FBXW12: variants seen among roughly 807,000 people sequenced by gnomAD.
The protein encoded by FBXW12 is F-box/WD repeat-containing protein 12.
In FBXW12, 43 loss-of-function variants were observed where a neutral mutation model predicts 55.3. That is an observed-to-expected ratio of 0.78 (90% confidence interval 0.61 to 1.00). The LOEUF (loss-of-function observed/expected upper bound fraction) is 1.00, where lower values mean the gene tolerates loss of function less well. FBXW12 is among the 50% of genes least tolerant of loss of function. FBXW12 has a pLI of 0.00. For synonymous variants in FBXW12, 184 were observed against 203.8 expected, an observed-to-expected ratio of 0.90 and a Z score of 0.83; for missense variants, 524 against 560.5, an observed-to-expected ratio of 0.93 and a Z score of 0.66.
rs147617793 is a variant in FBXW12 at position 48,373,967 on chromosome 3, G to T, written c.286+262G>T. Reference sequence around the variant, plus strand: ...GTCCTGTTACTCCCTTTTTCCTAAGGCTTCTCATCCCTCCCAGAATAAAAA... The same window carrying T: ...GTCCTGTTACTCCCTTTTTCCTAAGTCTTCTCATCCCTCCCAGAATAAAAA... On this transcript the variant is annotated intron_variant, in intron 4 of 10. Coordinates refer to ENST00000296438, the MANE Select transcript of FBXW12 (RefSeq NM_207102.2). Among the ~76,000 whole-genome samples, 3 of 151,762 alleles carry T rather than the reference G, an allele frequency of 2.0e-5. No individual in the cohort carries two copies. The East Asian group carries it at 5.8e-4, about 29-fold the overall frequency.
Position 48,386,187 on chromosome 3 carries a change from G to GCTTTTTC in FBXW12, c.1295+4102_1295+4103insCTTTTTC, listed in dbSNP as rs542895619. 5.3e-3 allele frequency among the ~76,000 whole-genome samples: 807 copies of GCTTTTTC among 152,274 alleles called. 5 individuals are homozygous for GCTTTTTC. The highest frequency in any genetic ancestry group is 0.019 in the African/African-American group (772 of 41,556). ...AGTTTTGTATGTGATGTGAGAAAAA[G>GCTTTTTC]TCCCAACTTTTTTTCTTTTCATGTG... is the stretch of plus-strand genomic sequence containing the variant. On this transcript the variant is annotated intron_variant, in intron 10 of 10. Coordinates refer to ENST00000296438, the MANE Select transcript of FBXW12 (RefSeq NM_207102.2).
intron 10 of FBXW12, among the ~76,000 whole-genome samples, chr3:48,388,162 T>C (rs988087483): frequency 6.6e-6 from 1 of 152,224 alleles, no homozygotes; most frequent in African/African-American, 2.4e-5. Flanking sequence ...TTCATTCTTT[T>C]ATAGTTGTTA....
chr3:48,375,820 G>A lies in FBXW12; in HGVS notation c.405+348G>A, dbSNP rs112554193. Among the ~76,000 whole-genome samples the A allele has an allele frequency of 1.0e-3, 157 of 151,836 alleles. 1 individual carries two copies. The highest frequency in any genetic ancestry group is 1.7e-3 in the South Asian group (8 of 4,808). ...TTCCCAAGTAGCTGGGACTACAGGCGCCCGCCACCACGCCTGGCTAATTTT... is the reference window on the plus strand; with the variant it reads ...TTCCCAAGTAGCTGGGACTACAGGCACCCGCCACCACGCCTGGCTAATTTT... On this transcript the variant is annotated intron_variant, in intron 5 of 10. Transcript: ENST00000296438.
intron 7 of FBXW12, chr3:48,380,255 A>G (rs1379264559): frequency 6.2e-6 from 1 of 161,792 alleles, no homozygotes; most frequent in Non-Finnish European, 1.4e-5. Context: ...GTAACTGAAT[A>G]TGCAACAGCC....
At chr3:48,391,701 T>C (rs2036931895) in intron 10 of FBXW12, among the ~76,000 whole-genome samples, 1 of 152,198 alleles carries the variant, frequency 6.6e-6, no homozygotes, top group African/African-American at 2.4e-5. Context: ...CACAAAGGGA[T>C]ACTGGATTTT....
chr3:48,379,266 T>G lies in FBXW12; in HGVS notation c.616-134T>G, dbSNP rs772065871. 19 of 805,928 alleles carry G rather than the reference T, an allele frequency of 2.4e-5. 1 individual carries two copies. The highest frequency in any genetic ancestry group is 3.1e-5 in the Non-Finnish European group (15 of 483,116). 49.9% of individuals were successfully genotyped at this position (805,928 alleles called of 1,614,324 possible). On this transcript the variant is annotated intron_variant, in intron 6 of 10. Coordinates refer to ENST00000296438, the MANE Select transcript of FBXW12 (RefSeq NM_207102.2). Reference sequence around the variant, plus strand: ...ATCCCAACAGTGTCTCAAGCTAGACTGGTCAGAGGTTTTGATCTCCATTAT... The same window carrying G: ...ATCCCAACAGTGTCTCAAGCTAGACGGGTCAGAGGTTTTGATCTCCATTAT...
At chr3:48,382,285 T>A (rs1277994086) in intron 10 of FBXW12, among the ~76,000 whole-genome samples, 200 bp downstream of exon 10, 1 of 152,078 alleles carries the variant, frequency 6.6e-6, no homozygotes, top group Non-Finnish European at 1.5e-5. Flanking sequence ...CCTGGCTAAT[T>A]TTTGTATTTT....
At chr3:48,386,116 T>G (rs144231673) in intron 10 of FBXW12, among the ~76,000 whole-genome samples, 1 of 152,202 alleles carries the variant, frequency 6.6e-6, no homozygotes, top group Non-Finnish European at 1.5e-5. Context: ...CCCTGCACTT[T>G]CTTCTTGTAG....
intron 2 of FBXW12, 70 bp downstream of exon 2, chr3:48,372,927 G>GCAGA (rs2036625386): frequency 1.4e-6 from 2 of 1,382,968 alleles, no homozygotes; most frequent in Non-Finnish European, 2.1e-6. Context: ...GCACCACTTT[G>GCAGA]CAGAATAGCA....
In FBXW12 at chr3:48,373,353, AAGGGAAAGGGCAAGG is replaced by A. The variant is rs1346741366; in HGVS notation, c.128+15_128+29del. ...CAGTGATTACCTGTGGAGGTAAGGG[AAGGGAAAGGGCAAGG>A]AGGGAAGGGGAGAGGAGATCATCTG... On this transcript the variant is annotated intron_variant, in intron 3 of 10. Transcript: ENST00000296438. 1 of 1,614,074 alleles carries A rather than the reference AAGGGAAAGGGCAAGG, an allele frequency of 6.2e-7. No homozygotes were observed. The highest frequency in any genetic ancestry group is 1.7e-5 in the Admixed American group (1 of 60,020).
chr3:48,382,134 T>C (rs1323094604), intron 10 of FBXW12, 49 bp downstream of exon 10: 3 of 1,603,416 alleles, frequency 1.9e-6, no homozygotes, highest in Non-Finnish European at 2.6e-6. Context: ...CTTTTTTTTT[T>C]TGAGACGGAG....
chr3:48,379,421 A>T lies in FBXW12; in HGVS notation c.637A>T (p.Ile213Phe). The part of the protein sequence containing the change: ...FLMVGDAAGD[I>F]YTFTLPGLRD... The stretch of plus-strand genomic sequence containing the variant: ...TCAGGTTGGCGATGCTGCAGGTGAC[A>T]TCTACACATTTACACTGCCTGGGTT... Residue 213 changes from isoleucine (I) to phenylalanine (F), a missense_variant, in exon 7 of 11, where the codon ATC (isoleucine) becomes TTC (phenylalanine). Coordinates refer to ENST00000296438, the MANE Select transcript of FBXW12 (RefSeq NM_207102.2). The T allele has an allele frequency of 6.2e-7, 1 of 1,614,166 alleles. No individual in the cohort carries two copies. Among genetic ancestry groups the T allele is most frequent in the Non-Finnish European group, 8.5e-7 (1 of 1,180,028 alleles).
intron 10 of FBXW12, among the ~76,000 whole-genome samples, chr3:48,391,234 G>A (rs1424366840): frequency 9.3e-5 from 14 of 151,302 alleles, no homozygotes; most frequent in Admixed American, 7.9e-4. Flanking sequence ...AATGGGCCAT[G>A]ATTGTGCCAC....
intron 5 of FBXW12, among the ~76,000 whole-genome samples, chr3:48,376,044 C>T (rs527510222): frequency 3.8e-4 from 46 of 122,482 alleles, no homozygotes; most frequent in Non-Finnish European, 7.2e-4. Context: ...TGTAGTGGCG[C>T]GATCTCAGCT....
rs2036718128 is a variant in FBXW12 at position 48,378,516 on chromosome 3, C to T, written c.605C>T (p.Pro202Leu). 3 of 1,613,728 alleles carry T rather than the reference C, an allele frequency of 1.9e-6. No homozygotes were observed. Among genetic ancestry groups the T allele is most frequent in the Non-Finnish European group, 1.7e-6 (2 of 1,179,950 alleles). ...GAAGCCTATCTTACAAAGGATGGCC[C>T]ATTCCTGATGGTAAGTGAGCCCTGA... ...CMEAYLTKDG[P>L]FLMVGDAAGD... The change falls in exon 6 of 11, where the codon CCA becomes CTA. Residue 202 changes from proline (P) to leucine (L), a missense_variant. Transcript: ENST00000296438.
At chr3:48,373,171 T>G in intron 2 of FBXW12, 137 bp from the exon 3 acceptor site, 1 of 1,301,720 alleles carries the variant, frequency 7.7e-7, no homozygotes, top group Non-Finnish European at 1.1e-6. Flanking sequence ...CTCCCCACAC[T>G]GAGAGTGCTT....
At chr3:48,385,851 C>A (rs1464296905) in intron 10 of FBXW12, among the ~76,000 whole-genome samples, 1 of 152,124 alleles carries the variant, frequency 6.6e-6, no homozygotes, top group African/African-American at 2.4e-5. Context: ...AATGAAGAAC[C>A]TTTGCCCATT....
chr3:48,372,335 A>G lies in FBXW12; in HGVS notation c.-85+15A>G. The G allele has an allele frequency of 1.9e-6, 3 of 1,552,138 alleles. No homozygotes were observed. The highest frequency in any genetic ancestry group is 2.6e-6 in the Non-Finnish European group (3 of 1,147,016). On this transcript the variant is annotated intron_variant, in intron 1 of 10. Coordinates refer to ENST00000296438, the MANE Select transcript of FBXW12 (RefSeq NM_207102.2). ...AAGATCCCAAGGTAGGCACAGACAC[A>G]GGGCAAGCAGACTCCAATTCCAGGA...
At position 48,381,798 on chromosome 3, in the gene FBXW12, T is replaced by C. The variant is rs1170299021; in HGVS notation, c.1084T>C (p.Tyr362His). Residue 362 changes from tyrosine (Y) to histidine (H), a missense_variant, in exon 9 of 11, where the codon TAC (tyrosine) becomes CAC (histidine). Transcript: ENST00000296438. ...TATGATTGTCTTTACCAGTGGACCA[T>C]ACTTGTTACTCTTCAGCATCACTGG... Reference protein sequence around the residue: ...GYMIVFTSGPYLLLFSITGFL... With the variant: ...GYMIVFTSGPHLLLFSITGFL... 1.2e-6 allele frequency: 2 copies of C among 1,612,552 alleles called. No individual in the cohort carries two copies. The highest frequency in any genetic ancestry group is 1.1e-5 in the South Asian group (1 of 90,906).
Sources: allele counts gnomAD v4.1 joint callset (sites outside exome capture counted in the v4.1 genomes callset), GRCh38; gene constraint gnomAD v4.1.1; transcripts MANE v1.5; gene names NCBI Gene and HGNC (gene_info 2026-07-23, HGNC 2026-07-21).